The following SCNN1A variants were observed in gnomAD, a reference collection of about 807,000 sequenced individuals.
SCNN1A encodes epithelial sodium channel subunit alpha.
SCNN1A carries 65 observed loss-of-function variants against 68.6 expected under a neutral mutation model. The ratio of observed to expected loss-of-function variants is 0.95; its 90% confidence interval spans 0.78 to 1.16. SCNN1A has a LOEUF of 1.16. Among genes scored for constraint, SCNN1A ranks in the 50% most tolerant of loss-of-function variants. The pLI, the probability that SCNN1A is intolerant of heterozygous loss-of-function variation, is 0.00. For synonymous variants in SCNN1A, 357 were observed against 353.3 expected (o/e 1.01, Z -0.12); for missense variants, 880 against 865.9 (o/e 1.02, Z -0.20).
At chr12:6,359,238 A>C (rs570814569) in intron 4 of SCNN1A, among the ~76,000 whole-genome samples, 1 of 152,334 alleles carries the variant, frequency 6.6e-6, no homozygotes, top group African/African-American at 2.4e-5. Context: ...GAATACATTT[A>C]TGGTTTGTAA....
At chr12:6,348,611 G>T in intron 12 of SCNN1A, 116 bp downstream of exon 12, 2 of 975,768 alleles carry the variant, frequency 2.0e-6, no homozygotes, top group Non-Finnish European at 1.6e-6. Flanking sequence ...TTGGTCCCCT[G>T]CCTTTGAGAC....
intron 4 of SCNN1A, 75 bp downstream of exon 4, chr12:6,361,976 G>A (rs558787547): frequency 6.7e-7 from 1 of 1,495,376 alleles, no homozygotes; most frequent in African/African-American, 1.4e-5. Flanking sequence ...CCTGGGCCCT[G>A]CCCATGCAGG....
intron 2 of SCNN1A, among the ~76,000 whole-genome samples, chr12:6,365,885 C>T (rs1020449677): frequency 2.0e-5 from 3 of 151,122 alleles, no homozygotes; most frequent in South Asian, 2.1e-4. Context: ...TTTTTTGAGA[C>T]GGAGTCTCAA....
chr12:6,358,859 CAAAAAAAAAAAA>C (rs35673511), intron 4 of SCNN1A, among the ~76,000 whole-genome samples: 1 of 83,604 alleles, frequency 1.2e-5, no homozygotes, highest in Admixed American at 1.5e-4. Context: ...GAACCTGTCT[CAAAAAAAAAAAA>C]AAAAAAAAGG....
At chr12:6,367,224 C>T (rs988933659) in intron 2 of SCNN1A, among the ~76,000 whole-genome samples, 1 of 152,104 alleles carries the variant, frequency 6.6e-6, no homozygotes, top group South Asian at 2.1e-4. Context: ...GGCAACAGAG[C>T]AAGACCCTGT....
rs1948334434 is a variant in SCNN1A, at chr12:6,349,504, A to G, written c.1361-99T>C. On this transcript the variant is annotated intron_variant, in intron 8 of 12. Transcript: ENST00000228916. ...AAGATCCCTGGGTACCCACTTTACAAGAGCATTATTTAGCATTATAATGAT... is the reference window on the plus strand; with the variant it reads ...AAGATCCCTGGGTACCCACTTTACAGGAGCATTATTTAGCATTATAATGAT... 3 of 821,422 alleles carry G rather than the reference A, an allele frequency of 3.7e-6. No homozygotes were observed. The East Asian group carries it at 8.0e-5, about 22-fold the overall frequency. The allele number at this position is 821,422 out of a possible 1,614,324, so 50.9% of individuals were successfully genotyped here. A position where few individuals can be genotyped will look rare whatever the true frequency, so the allele number is the denominator to read the frequency against.
chr12:6,355,325 C>G lies in SCNN1A; in HGVS notation c.1090G>C (p.Asp364His), dbSNP rs1406025836. The change falls in exon 6 of 13, where the codon GAT becomes CAT. Residue 364 changes from aspartate (D) to histidine (H), a missense_variant. By Grantham distance (81) the Asp-to-His change is moderately conservative. Transcript: ENST00000228916. ...CCAGGCCGCAAGTTAAAGCCACCAT[C>G]ATCCATAAAGGCAGGTTCATCCTGC... ...HGQDEPAFMDDGGFNLRPGVE... is the reference protein window; with the variant it reads ...HGQDEPAFMDHGGFNLRPGVE... The G allele has an allele frequency of 6.2e-7, 1 of 1,613,824 alleles. No homozygotes were observed. Among genetic ancestry groups the G allele is most frequent in the Admixed American group, 1.7e-5 (1 of 59,962 alleles).
At chr12:6,362,656 C>T (rs886799314) in intron 3 of SCNN1A, among the ~76,000 whole-genome samples, 1 of 151,658 alleles carries the variant, frequency 6.6e-6, no homozygotes, top group Non-Finnish European at 1.5e-5. Context: ...CTTTCCTTGG[C>T]TCCTCCCTCA....
intron 8 of SCNN1A, among the ~76,000 whole-genome samples, chr12:6,350,878 T>G (rs1592061903): frequency 6.6e-6 from 1 of 151,056 alleles, no homozygotes; most frequent in South Asian, 2.1e-4. Context: ...AAATAAAAAT[T>G]TAAAAAGACA....
rs1281716574 is a variant in SCNN1A, at chr12:6,351,439, T to C, written c.1361-2034A>G. Among the ~76,000 whole-genome samples, 11 of 152,066 alleles carry C rather than the reference T, an allele frequency of 7.2e-5. No individual in the cohort carries two copies. Among genetic ancestry groups the C allele is most frequent in the Non-Finnish European group, 1.2e-4 (8 of 68,008 alleles). ...GAGTTTGAGACCAGCCTGACCAATATGGTGAAACCCCATCTCTACTAAAAA... is the reference window on the plus strand; with the variant it reads ...GAGTTTGAGACCAGCCTGACCAATACGGTGAAACCCCATCTCTACTAAAAA... On this transcript the variant is annotated intron_variant, in intron 8 of 12. Transcript: ENST00000228916. The surrounding 1 kb of genome is among the most constrained non-coding windows in gnomAD (Gnocchi z 4.2).
At position 6,347,812 on chromosome 12, in the gene SCNN1A, G is replaced by T. The variant is rs1948284499; in HGVS notation, c.*61C>A. On this transcript the variant is annotated 3_prime_UTR_variant, in exon 13 of 13. Coordinates refer to ENST00000228916, the MANE Select transcript of SCNN1A (RefSeq NM_001038.6). ...CCCTGCACATCCTTCAATCTTGCCA[G>T]GGCCAGCACCCTCCCACCAGAGGAG... 2 of 1,446,010 alleles carry T rather than the reference G, an allele frequency of 1.4e-6. No homozygotes were observed. The highest frequency in any genetic ancestry group is 1.8e-5 in the Admixed American group (1 of 55,302). The allele number at this position is 1,446,010 out of a possible 1,614,324, so 89.6% of individuals were successfully genotyped here.
At position 6,348,727 on chromosome 12, in the gene SCNN1A, C is replaced by T. The variant is rs1379832700; in HGVS notation, c.1629G>A (p.Thr543=). The T allele has an allele frequency of 8.7e-6, 14 of 1,612,434 alleles. No homozygotes were observed. Among genetic ancestry groups the T allele is most frequent in the African/African-American group, 2.7e-5 (2 of 74,562 alleles). The change falls in exon 12 of 13, where the codon ACG becomes ACA. Residue 543 remains threonine, a splice_region_variant and synonymous_variant. Transcript: ENST00000228916. ...YKTNSESPSV[T]MVTLLSNLGS... is the part of the protein sequence containing the mutation. The stretch of plus-strand genomic sequence containing the variant: ...CAGGCTCCATCCAGGCACGACCTAC[C>T]GTGACAGAGGGAGACTCAGAATTGG...
intron 2 of SCNN1A, among the ~76,000 whole-genome samples, chr12:6,371,524 G>C (rs1416832355): frequency 7.4e-6 from 1 of 134,960 alleles, no homozygotes; most frequent in African/African-American, 2.7e-5. Context: ...GGAGCGTGGC[G>C]GGGGGGCGGG....
rs1445121597 is a variant in SCNN1A, at chr12:6,364,272, A to G, written c.417-562T>C. The G allele has an allele frequency of 2.0e-5, 3 of 152,222 alleles. No individual in the cohort carries two copies. The East Asian group carries it at 5.8e-4, about 29-fold the overall frequency. The allele number at this position is 152,222 out of a possible 1,614,324, so 9.4% of individuals were successfully genotyped here. On this transcript the variant is annotated intron_variant, in intron 2 of 12. Coordinates refer to ENST00000228916, the MANE Select transcript of SCNN1A (RefSeq NM_001038.6). ...TTCTAATGTGTTTCGGGTGCGGCCTAAACACCGTAAATTAAACACAGCTCA... is the reference window on the plus strand; with the variant it reads ...TTCTAATGTGTTTCGGGTGCGGCCTGAACACCGTAAATTAAACACAGCTCA...
At chr12:6,357,130 G>A (rs1386020163) in intron 4 of SCNN1A, among the ~76,000 whole-genome samples, 2 of 152,324 alleles carry the variant, frequency 1.3e-5, no homozygotes, top group Non-Finnish European at 2.9e-5. Flanking sequence ...TGAAGGAGAG[G>A]CTACAGAGGT....
At chr12:6,348,885 C>G in intron 11 of SCNN1A, 65 bp downstream of exon 11, 1 of 1,604,920 alleles carries the variant, frequency 6.2e-7, no homozygotes. Flanking sequence ...ATCGATCCCT[C>G]TTCTTAGGTC....
chr12:6,376,898 G>A (rs1948922920), upstream of SCNN1A, among the ~76,000 whole-genome samples: 2 of 152,222 alleles, frequency 1.3e-5, no homozygotes, highest in South Asian at 4.1e-4. Context: ...GAGGAGATAG[G>A]CCTGCAATAC....
rs199947703 is a variant in SCNN1A, at chr12:6,355,353, G to A, written c.1062C>T (p.His354=). Residue 354 remains histidine (H), a synonymous_variant, in exon 6 of 13, where the codon CAC becomes CAT. Coordinates refer to ENST00000228916, the MANE Select transcript of SCNN1A (RefSeq NM_001038.6). ...STVTGARVMV[H]GQDEPAFMDD... is the part of the protein sequence containing the mutation. ...CCATAAAGGCAGGTTCATCCTGCCCGTGCACCATTACCCGGGCCCCAGTCA... is the reference window on the plus strand; with the variant it reads ...CCATAAAGGCAGGTTCATCCTGCCCATGCACCATTACCCGGGCCCCAGTCA... The A allele has an allele frequency of 8.1e-6, 13 of 1,613,882 alleles. No homozygotes were observed. Among genetic ancestry groups the A allele is most frequent in the Middle Eastern group, 1.6e-4 (1 of 6,062 alleles).
intron 2 of SCNN1A, among the ~76,000 whole-genome samples, chr12:6,366,317 G>GCC (rs1171420002): frequency 6.6e-6 from 1 of 152,126 alleles, no homozygotes; most frequent in Non-Finnish European, 1.5e-5. Flanking sequence ...GAAAGCATAT[G>GCC]CCCCCACAAC....
Sources: gnomAD v4.1 joint callset for allele counts (sites outside exome capture counted in the v4.1 genomes callset) on GRCh38, gnomAD v4.1.1 for gene constraint, Gnocchi (gnomAD v3.1) non-coding constraint, MANE v1.5 for transcripts, NCBI Gene and HGNC (gene_info 2026-07-23, HGNC 2026-07-21) for gene names.